Variants in ENPP1 observed in about 807,000 individuals in gnomAD.
The protein encoded by ENPP1 is ectonucleotide pyrophosphatase/phosphodiesterase family member 1.
A neutral mutation model predicts 122.8 loss-of-function variants in ENPP1; 73 were observed. The observed-to-expected ratio is 0.59, with a 90% confidence interval of 0.49 to 0.72. ENPP1 has a LOEUF of 0.72. Ranked by LOEUF, ENPP1 falls within the 30% of genes least tolerant of loss-of-function variation. ENPP1 has a pLI of 0.00. For missense variants in ENPP1, 978 were observed against 1,128.1 expected (o/e 0.87, Z 1.91); for synonymous variants, 367 against 391.6 (o/e 0.94, Z 0.74).
At chr6:131,887,341 T>C (rs1782393777) in intron 24 of ENPP1, among the ~76,000 whole-genome samples, 1 of 152,142 alleles carries the variant, frequency 6.6e-6, no homozygotes, top group Non-Finnish European at 1.5e-5. Context: ...TGCTCAGAAT[T>C]TTAAAAATCT....
At chr6:131,868,501 A>G (rs1211558656) in intron 12 of ENPP1, among the ~76,000 whole-genome samples, 1 of 152,186 alleles carries the variant, frequency 6.6e-6, no homozygotes, top group Non-Finnish European at 1.5e-5. Context: ...GTGCAGTAGC[A>G]TGATCACAGC....
At chr6:131,847,618 A>T (rs1562518831) in intron 1 of ENPP1, among the ~76,000 whole-genome samples, 158 bp from the exon 2 acceptor site, 1 of 152,204 alleles carries the variant, frequency 6.6e-6, no homozygotes, top group African/African-American at 2.4e-5. Flanking sequence ...AGGCAGGAGG[A>T]TCCCTTGATG....
chr6:131,819,151 C>T (rs989317765), intron 1 of ENPP1, among the ~76,000 whole-genome samples: 1 of 151,984 alleles, frequency 6.6e-6, no homozygotes, highest in African/African-American at 2.4e-5. Context: ...CTTAGTGAAC[C>T]AATATTTTCC....
chr6:131,857,663 G>C (rs1338673912), intron 6 of ENPP1, among the ~76,000 whole-genome samples: 1 of 151,998 alleles, frequency 6.6e-6, no homozygotes. Flanking sequence ...GGTGGGGTGA[G>C]GGGGGAGCGA....
chr6:131,817,899 G>T (rs1781435628), intron 1 of ENPP1, among the ~76,000 whole-genome samples: 1 of 151,950 alleles, frequency 6.6e-6, no homozygotes, highest in Non-Finnish European at 1.5e-5. Flanking sequence ...CTCATTTATG[G>T]ATTGACCATT....
chr6:131,830,427 C>T (rs1781596767), intron 1 of ENPP1, among the ~76,000 whole-genome samples: 1 of 152,170 alleles, frequency 6.6e-6, no homozygotes, highest in African/African-American at 2.4e-5. Flanking sequence ...GGTGACCACT[C>T]CCAGCAGCTG....
chr6:131,848,268 C>G (rs879480502), intron 2 of ENPP1, among the ~76,000 whole-genome samples: 2 of 152,126 alleles, frequency 1.3e-5, no homozygotes, highest in Admixed American at 6.5e-5. Flanking sequence ...TGTTTCAAAG[C>G]CACAATGATA....
intron 1 of ENPP1, among the ~76,000 whole-genome samples, chr6:131,834,282 G>A (rs1781646970): frequency 6.6e-6 from 1 of 152,152 alleles, no homozygotes; most frequent in African/African-American, 2.4e-5. Context: ...AAAAATGAAT[G>A]AGCATGACAG....
chr6:131,818,211 A>G (rs1781440667), intron 1 of ENPP1, among the ~76,000 whole-genome samples: 1 of 152,134 alleles, frequency 6.6e-6, no homozygotes, highest in African/African-American at 2.4e-5. Context: ...ACACCGTGGT[A>G]TTAAAGGAGT....
At chr6:131,884,882 C>A (rs1264231541) in intron 22 of ENPP1, 49 bp from the exon 23 acceptor site, 14 of 1,604,514 alleles carry the variant, frequency 8.7e-6, no homozygotes, top group Non-Finnish European at 1.0e-5. Context: ...CACACGTCAA[C>A]ATGGTCCCTT....
Position 131,860,426 on chromosome 6 carries a change from A to T in ENPP1, c.835A>T (p.Met279Leu). The T allele has an allele frequency of 2.5e-6, 4 of 1,597,314 alleles. No homozygotes were observed. Among genetic ancestry groups the T allele is most frequent in the Non-Finnish European group, 3.4e-6 (4 of 1,165,202 alleles). ...ATCTCATGGCATAATCGACAATAAA[A>T]TGTATGATCCCAAAATGAATGCTTC... Reference protein sequence around the residue: ...PESHGIIDNKMYDPKMNASFS... With the variant: ...PESHGIIDNKLYDPKMNASFS... Residue 279 changes from methionine (M) to leucine (L), a missense_variant, in exon 8 of 25, where the codon ATG becomes TTG. Around this residue, in one of 3 missense-constraint regions of ENPP1, gnomAD observed 644 missense variants for 781.5 expected, o/e 0.82. Transcript: ENST00000647893.
chr6:131,858,240 C>A (rs772319977), intron 6 of ENPP1, among the ~76,000 whole-genome samples: 1 of 152,112 alleles, frequency 6.6e-6, no homozygotes, highest in African/African-American at 2.4e-5. Flanking sequence ...CCAGGGTTAG[C>A]TGCTTCTAGA....
At chr6:131,825,153 G>A (rs1029121987) in intron 1 of ENPP1, among the ~76,000 whole-genome samples, 1 of 151,984 alleles carries the variant, frequency 6.6e-6, no homozygotes, top group Non-Finnish European at 1.5e-5. Context: ...TGTTCTTAGT[G>A]ACAAGTTCTG....
intron 17 of ENPP1, 73 bp from the exon 18 acceptor site, chr6:131,876,919 A>C (rs1271804363): frequency 2.1e-6 from 3 of 1,433,560 alleles, no homozygotes; most frequent in East Asian, 4.6e-5. Flanking sequence ...AAAAAAGTAA[A>C]GATCATGGCA....
intron 24 of ENPP1, among the ~76,000 whole-genome samples, chr6:131,889,462 C>G (rs1782434018): frequency 6.6e-6 from 1 of 151,944 alleles, no homozygotes; most frequent in Non-Finnish European, 1.5e-5. Flanking sequence ...TCAGCTCCCT[C>G]TTATAATTGA....
intron 1 of ENPP1, among the ~76,000 whole-genome samples, chr6:131,831,114 C>CAAAAAAA (rs3036850): frequency 4.0e-4 from 24 of 59,954 alleles, no homozygotes; most frequent in African/African-American, 1.0e-3. Context: ...GCCCATCTCT[C>CAAAAAAA]AAAAAAAAAA....
intron 11 of ENPP1, 26 bp downstream of exon 11, chr6:131,864,964 T>C (rs1294064050): frequency 1.4e-5 from 19 of 1,403,586 alleles, no homozygotes; most frequent in Non-Finnish European, 1.9e-5. Flanking sequence ...TCAGTAATTA[T>C]TTCATTAAAC....
In ENPP1 at chr6:131,841,592, T is replaced by G. The variant is rs193161480; in HGVS notation, c.241-6184T>G. ...TAGGGGATTTATGGTTTCTCCCCAT[T>G]TATGTTTAATTAAATCACAGCTTGC... On this transcript the variant is annotated intron_variant, in intron 1 of 24. Coordinates refer to ENST00000647893, the MANE Select transcript of ENPP1 (RefSeq NM_006208.3). 6.1e-4 allele frequency among the ~76,000 whole-genome samples: 93 copies of G among 152,324 alleles called. No individual in the cohort carries two copies. In the Middle Eastern group the frequency reaches 0.014, roughly 22 times the overall value.
chr6:131,847,210 C>T (rs529668661), intron 1 of ENPP1, among the ~76,000 whole-genome samples: 11 of 152,246 alleles, frequency 7.2e-5, no homozygotes, highest in African/African-American at 2.6e-4. Flanking sequence ...CACATATTGC[C>T]TTTAATGGAT....
Sources: allele counts gnomAD v4.1 joint callset (sites outside exome capture counted in the v4.1 genomes callset), GRCh38; gene constraint gnomAD v4.1.1; regional missense constraint gnomAD v4.1.1; transcripts MANE v1.5; gene names NCBI Gene and HGNC (gene_info 2026-07-23, HGNC 2026-07-21).